MYO6: variants seen among roughly 807,000 people sequenced by gnomAD.
MYO6 encodes myosin VI.
In MYO6, 74 loss-of-function variants were observed where a neutral mutation model predicts 178.7. The ratio of observed to expected loss-of-function variants is 0.41; its 90% CI spans 0.34 to 0.50. The LOEUF is 0.50. Among genes scored for constraint, MYO6 ranks in the 20% least tolerant of loss-of-function variants. The pLI, the probability that MYO6 is intolerant of heterozygous loss-of-function variation, is 0.09. For missense variants in MYO6, 1,330 were observed against 1,547.4 expected, an observed-to-expected ratio of 0.86 and a Z score of 2.36; for synonymous variants, 477 against 504.6, an observed-to-expected ratio of 0.95 and a Z score of 0.73.
intron 30 of MYO6, among the ~76,000 whole-genome samples, chr6:75,903,220 G>T (rs1038573761): frequency 3.4e-4 from 51 of 151,818 alleles, no homozygotes; most frequent in Non-Finnish European, 6.3e-4. Flanking sequence ...GGGGTGGAGA[G>T]TTCTGTAGAT....
chr6:75,779,959 C>T (rs1766789654), intron 1 of MYO6, among the ~76,000 whole-genome samples: 4 of 152,124 alleles, frequency 2.6e-5, no homozygotes, highest in African/African-American at 7.2e-5. Context: ...CTATATCTTA[C>T]TGCTGTATGT....
intron 1 of MYO6, among the ~76,000 whole-genome samples, chr6:75,775,907 C>T (rs576008450): frequency 1.3e-4 from 20 of 152,262 alleles, no homozygotes; most frequent in African/African-American, 3.9e-4. Flanking sequence ...ATAGGCAGAG[C>T]ACACTGGTGT....
intron 4 of MYO6, among the ~76,000 whole-genome samples, chr6:75,829,933 C>A (rs981981264): frequency 6.6e-6 from 1 of 152,090 alleles, no homozygotes; most frequent in African/African-American, 2.4e-5. Flanking sequence ...GAAGGTGCTA[C>A]GAGCTGTATT....
chr6:75,916,045 TACATA>T lies in MYO6; in HGVS notation c.*1036_*1040del, dbSNP rs199696441. 7.9e-5 allele frequency: 12 copies of T among 152,686 alleles called. No homozygotes were observed. The East Asian group carries it at 2.3e-3, about 29-fold the overall frequency. The allele number at this position is 152,686 out of a possible 1,614,324, so 9.5% of individuals were successfully genotyped here. A position where few individuals can be genotyped will look rare whatever the true frequency, so the allele number is the denominator to read the frequency against. On this transcript the variant is annotated 3_prime_UTR_variant, in exon 35 of 35. Coordinates refer to ENST00000369977, the MANE Select transcript of MYO6 (RefSeq NM_004999.4). ...CCTTGTATTTAGTAAGTGCTTGTTT[TACATA>T]ACTGATAATTTTAAAATGTTTTCTT...
chr6:75,866,448 A>T, intron 16 of MYO6, 78 bp from the exon 17 acceptor site: 1 of 1,161,118 alleles, frequency 8.6e-7, no homozygotes, highest in Non-Finnish European at 1.3e-6. Flanking sequence ...AGTGTTTTAC[A>T]TCTCAGTTGT....
At chr6:75,815,869 G>C (rs1771187633) in intron 1 of MYO6, among the ~76,000 whole-genome samples, 1 of 152,148 alleles carries the variant, frequency 6.6e-6, no homozygotes, top group Non-Finnish European at 1.5e-5. Flanking sequence ...ATATAGATAA[G>C]TAGTGAAAAA....
chr6:75,775,956 T>A (rs1246968801), intron 1 of MYO6, among the ~76,000 whole-genome samples: 1 of 152,198 alleles, frequency 6.6e-6, no homozygotes, highest in Admixed American at 6.5e-5. Context: ...GCGTATCATT[T>A]CTTTAAGATT....
chr6:75,867,201 C>G, intron 18 of MYO6, 96 bp downstream of exon 18: 3 of 1,039,106 alleles, frequency 2.9e-6, no homozygotes, highest in East Asian at 2.6e-5. Context: ...TCAGAAATCT[C>G]ACAGTGAAGT....
intron 22 of MYO6, among the ~76,000 whole-genome samples, chr6:75,880,866 G>A (rs1282738417): frequency 6.6e-6 from 1 of 152,122 alleles, no homozygotes; most frequent in East Asian, 1.9e-4. Context: ...GGTATATAGT[G>A]GAAATAATGT....
intron 3 of MYO6, among the ~76,000 whole-genome samples, chr6:75,827,401 A>AT (rs1772590323): frequency 6.6e-6 from 1 of 152,174 alleles, no homozygotes; most frequent in East Asian, 1.9e-4. Context: ...ATGAGTTAGT[A>AT]TTAAGGTGAA....
intron 7 of MYO6, among the ~76,000 whole-genome samples, chr6:75,839,443 C>T (rs540407011): frequency 6.6e-6 from 1 of 152,286 alleles, no homozygotes; most frequent in Admixed American, 6.5e-5. Context: ...CTGCCTCGGC[C>T]TCCCAGAGTG....
At position 75,902,855 on chromosome 6, in the gene MYO6, G is replaced by A. The variant is rs1237710064; in HGVS notation, c.3176+4444G>A. Reference sequence around the variant, plus strand: ...TTGGATCTTTCCTGCTTTCTCTTGTGGGCATTTAGTGCTATAAATTTCCCT... The same window carrying A: ...TTGGATCTTTCCTGCTTTCTCTTGTAGGCATTTAGTGCTATAAATTTCCCT... On this transcript the variant is annotated intron_variant, in intron 30 of 34. Coordinates refer to ENST00000369977, the MANE Select transcript of MYO6 (RefSeq NM_004999.4). Among the ~76,000 whole-genome samples the A allele has an allele frequency of 4.0e-5, 6 of 151,130 alleles. No homozygotes were observed. The East Asian group carries it at 5.8e-4, about 15-fold the overall frequency.
chr6:75,902,021 T>G (rs1169301329), intron 30 of MYO6, among the ~76,000 whole-genome samples: 1 of 152,258 alleles, frequency 6.6e-6, no homozygotes, highest in Non-Finnish European at 1.5e-5. Flanking sequence ...ATATGCTGGC[T>G]TACATTTATT....
intron 3 of MYO6, among the ~76,000 whole-genome samples, chr6:75,826,432 G>A (rs1216145590): frequency 2.0e-5 from 3 of 152,194 alleles, no homozygotes; most frequent in African/African-American, 4.8e-5. Flanking sequence ...CCATGTCTGT[G>A]TAGGCTTATA....
intron 1 of MYO6, among the ~76,000 whole-genome samples, chr6:75,812,796 T>A (rs1237007201): frequency 6.6e-6 from 1 of 152,224 alleles, no homozygotes; most frequent in Non-Finnish European, 1.5e-5. Flanking sequence ...TTTTCATGGC[T>A]GAATAATACT....
At chr6:75,785,919 A>T (rs999274810) in intron 1 of MYO6, among the ~76,000 whole-genome samples, 3 of 151,832 alleles carry the variant, frequency 2.0e-5, no homozygotes, top group African/African-American at 7.3e-5. Context: ...TTTAAAATTA[A>T]AACAATTTTT....
intron 1 of MYO6, among the ~76,000 whole-genome samples, chr6:75,767,657 T>C (rs1261620308): frequency 6.6e-6 from 1 of 151,386 alleles, no homozygotes; most frequent in East Asian, 2.0e-4. Flanking sequence ...TAACTGAGAC[T>C]ACAGGTGCGC....
At chr6:75,804,228 C>G (rs893509756) in intron 1 of MYO6, among the ~76,000 whole-genome samples, 1 of 152,302 alleles carries the variant, frequency 6.6e-6, no homozygotes, top group East Asian at 1.9e-4. Context: ...AACTTTGGTT[C>G]GGGAACCGAA....
At chr6:75,869,841 C>T (rs930373748) in intron 18 of MYO6, among the ~76,000 whole-genome samples, 4 of 152,016 alleles carry the variant, frequency 2.6e-5, no homozygotes, top group Admixed American at 6.6e-5. Context: ...AGGCAGGGTG[C>T]GGTGGCTCAT....
Sources: gnomAD v4.1 joint callset for allele counts (sites outside exome capture counted in the v4.1 genomes callset) on GRCh38, gnomAD v4.1.1 for gene constraint, MANE v1.5 for transcripts, NCBI Gene and HGNC (gene_info 2026-07-23, HGNC 2026-07-21) for gene names.